The following ANKRD13A variants were observed in gnomAD, a reference collection of about 807,000 sequenced individuals.
ANKRD13A encodes ankyrin repeat domain-containing protein 13A.
ANKRD13A carries 48 observed loss-of-function variants against 81.3 expected under a neutral mutation model. That is an observed-to-expected ratio of 0.59 (90% confidence interval 0.47 to 0.75). The LOEUF (loss-of-function observed/expected upper bound fraction) is 0.75, where lower values mean the gene tolerates loss of function less well. Among genes scored for constraint, ANKRD13A ranks in the 30% least tolerant of loss-of-function variants. ANKRD13A has a pLI of 0.00. For missense variants in ANKRD13A, 612 were observed against 734.0 expected (o/e 0.83, Z 1.92); for synonymous variants, 230 against 270.1 (o/e 0.85, Z 1.45).
chr12:110,028,924 G>A, intron 10 of ANKRD13A: 1 of 306,262 alleles, frequency 3.3e-6, no homozygotes, highest in Admixed American at 4.6e-5. Flanking sequence ...TTTTAGTAGA[G>A]ATAGGGTTTC....
chr12:109,999,928 A>T lies in ANKRD13A; in HGVS notation c.96+144A>T. ...TTGCAGGTGTGGGACAGTCCTAATA[A>T]TAGGACACGTATCGAGTGCTTACCG... On this transcript the variant is annotated intron_variant, in intron 1 of 14. Transcript: ENST00000261739. The surrounding 1 kb of genome is among the most constrained non-coding windows in gnomAD (Gnocchi z 4.3). 2 of 602,474 alleles carry T rather than the reference A, an allele frequency of 3.3e-6. No homozygotes were observed. Among genetic ancestry groups the T allele is most frequent in the Non-Finnish European group, 5.3e-6 (2 of 376,726 alleles). The allele number at this position is 602,474 out of a possible 1,614,324, so 37.3% of individuals were successfully genotyped here. A position where few individuals can be genotyped will look rare whatever the true frequency, so the allele number is the denominator to read the frequency against.
intron 7 of ANKRD13A, 78 bp downstream of exon 7, chr12:110,024,190 T>C: frequency 7.8e-7 from 1 of 1,289,528 alleles, no homozygotes; most frequent in Non-Finnish European, 1.1e-6. Context: ...TCCCATTTTT[T>C]TCATGCATCT....
intron 8 of ANKRD13A, chr12:110,026,933 G>A: frequency 6.6e-6 from 1 of 152,148 alleles, no homozygotes; most frequent in Non-Finnish European, 1.5e-5. Flanking sequence ...ATTCTTGGAG[G>A]TGTTTCCCCA....
chr12:110,019,012 T>A (rs1890937030), intron 5 of ANKRD13A, 127 bp from the exon 6 acceptor site: 1 of 972,892 alleles, frequency 1.0e-6, no homozygotes, highest in East Asian at 2.5e-5. Context: ...ATCAGTACAC[T>A]GTAGGTTTTA....
At chr12:110,027,252 T>C (rs1891395699) in intron 8 of ANKRD13A, 1 of 164,874 alleles carries the variant, frequency 6.1e-6, no homozygotes. Flanking sequence ...CCAACCTTCC[T>C]TAGAGTTATT....
rs544489506 is a variant in ANKRD13A, at chr12:110,007,483, C to T, written c.97-4522C>T. 1.7e-3 allele frequency among the ~76,000 whole-genome samples: 257 copies of T among 152,184 alleles called. 1 individual carries two copies. The highest frequency in any genetic ancestry group is 1.2e-3 in the Non-Finnish European group (79 of 68,022). ...GCAACCTCCGTCTCCCAGGTTCAAGCGATTCTCCTGCCTCAGCCTCCCAAG... is the reference window on the plus strand; with the variant it reads ...GCAACCTCCGTCTCCCAGGTTCAAGTGATTCTCCTGCCTCAGCCTCCCAAG... On this transcript the variant is annotated intron_variant, in intron 1 of 14. Transcript: ENST00000261739.
chr12:110,009,327 C>T (rs935987312), intron 1 of ANKRD13A, among the ~76,000 whole-genome samples: 3 of 152,164 alleles, frequency 2.0e-5, no homozygotes, highest in Non-Finnish European at 2.9e-5. Flanking sequence ...GTGATCCACC[C>T]GCCTCGGCCT....
At position 110,028,568 on chromosome 12, in the gene ANKRD13A, G is replaced by A; in HGVS notation, c.1002G>A (p.Glu334=). ...ANNPTAITPD[E]YFNEEFDLKD... The stretch of plus-strand genomic sequence containing the variant: ...ACCCCACAGCCATCACGCCTGATGA[G>A]TACTTCAATGAAGAGTTTGATCTGA... Residue 334 remains glutamate, a synonymous_variant, in exon 10 of 15, where the codon GAG becomes GAA. Transcript: ENST00000261739. The A allele has an allele frequency of 6.2e-7, 1 of 1,614,216 alleles. No individual in the cohort carries two copies. The highest frequency in any genetic ancestry group is 8.5e-7 in the Non-Finnish European group (1 of 1,180,038).
At chr12:110,004,467 T>C (rs1394816380) in intron 1 of ANKRD13A, among the ~76,000 whole-genome samples, 1 of 150,814 alleles carries the variant, frequency 6.6e-6, no homozygotes, top group Non-Finnish European at 1.5e-5. Context: ...AATACAAAAT[T>C]AGCCAGGCGT....
In ANKRD13A at chr12:110,029,347, A is replaced by G. The variant is rs1052824595; in HGVS notation, c.1077-131A>G. 4.1e-6 allele frequency: 4 copies of G among 981,566 alleles called. No individual in the cohort carries two copies. In the African/African-American group the frequency reaches 4.9e-5, roughly 12 times the overall value. 60.8% of individuals were successfully genotyped at this position (981,566 alleles called of 1,614,324 possible). On this transcript the variant is annotated intron_variant, in intron 10 of 14. Transcript: ENST00000261739. ...TGGCCCTAGACATTTGACCTTTAAT[A>G]GGTCTGAATTAAGAGATGACTGGGC...
chr12:110,029,501 G>A lies in ANKRD13A; in HGVS notation c.1100G>A (p.Cys367Tyr). The change falls in exon 11 of 15, where the codon TGT (cysteine) becomes TAT (tyrosine). Residue 367 changes from cysteine (C) to tyrosine (Y), a missense_variant. Physicochemically the swap from Cys to Tyr is radical, Grantham distance 194. Transcript: ENST00000261739. ...AGGTTTAAAGCAATGTTGTGGATGT[G>A]TGAAGAGTTTCCCCTCTCTCTGGTG... ...TQKFKAMLWMCEEFPLSLVEQ... is the reference protein window; with the variant it reads ...TQKFKAMLWMYEEFPLSLVEQ... 5 of 1,613,694 alleles carry A rather than the reference G, an allele frequency of 3.1e-6. No homozygotes were observed. The highest frequency in any genetic ancestry group is 4.2e-6 in the Non-Finnish European group (5 of 1,179,580).
intron 1 of ANKRD13A, among the ~76,000 whole-genome samples, chr12:110,004,337 C>T (rs1232097578): frequency 2.0e-4 from 30 of 151,414 alleles, no homozygotes; most frequent in Admixed American, 1.3e-4. Flanking sequence ...GAATTCCAGC[C>T]GGGCGTGGTG....
At chr12:110,009,138 A>AAT (rs1246727796) in intron 1 of ANKRD13A, among the ~76,000 whole-genome samples, 4 of 151,950 alleles carry the variant, frequency 2.6e-5, no homozygotes. Context: ...CTGGAGTGCA[A>AAT]TGGCACAATC....
chr12:110,003,050 TG>T (rs1890062748), intron 1 of ANKRD13A, among the ~76,000 whole-genome samples: 1 of 152,230 alleles, frequency 6.6e-6, no homozygotes, highest in African/African-American at 2.4e-5. Context: ...TGAAACTGTT[TG>T]TGTTCTGCTT....
rs1435451255 is a variant in ANKRD13A at position 110,016,016 on chromosome 12, A to G, written c.355-372A>G. On this transcript the variant is annotated intron_variant, in intron 3 of 14. Transcript: ENST00000261739. The stretch of plus-strand genomic sequence containing the variant: ...GCCCAGGCTGGAGTGCAGTGGTGCA[A>G]TCTTGGCTCTCTGCAGCCTCCACCT... Among the ~76,000 whole-genome samples the G allele has an allele frequency of 2.0e-5, 3 of 149,506 alleles. No homozygotes were observed. In the South Asian group the frequency reaches 6.3e-4, roughly 31 times the overall value.
chr12:110,019,131 A>G lies in ANKRD13A; in HGVS notation c.545-8A>G. The G allele has an allele frequency of 6.4e-7, 1 of 1,571,046 alleles. No homozygotes were observed. The highest frequency in any genetic ancestry group is 8.6e-7 in the Non-Finnish European group (1 of 1,157,040). On this transcript the variant is annotated splice_region_variant and splice_polypyrimidine_tract_variant and intron_variant, in intron 5 of 14. Coordinates refer to ENST00000261739, the MANE Select transcript of ANKRD13A (RefSeq NM_033121.2). The stretch of plus-strand genomic sequence containing the variant: ...TGCACTTAGTTATGCCTTTGTTTCC[A>G]TTAATAGACAACTGGGCGGAGTTAA...
At position 110,013,250 on chromosome 12, in the gene ANKRD13A, G is replaced by T. The variant is rs1489657353; in HGVS notation, c.354+1G>T. On this transcript the variant is annotated splice_donor_variant, in intron 3 of 14. Transcript: ENST00000261739. LOFTEE classifies it high-confidence loss of function. ...TGAGCTGCTCCAAAAAATTCTCGAG[G>T]TATCCATGAAAATGTGGCCAGGCCA... 6.2e-7 allele frequency: 1 copy of T among 1,613,748 alleles called. No individual in the cohort carries two copies. The highest frequency in any genetic ancestry group is 8.5e-7 in the Non-Finnish European group (1 of 1,179,926).
At chr12:110,000,663 A>G (rs1566042052) in intron 1 of ANKRD13A, among the ~76,000 whole-genome samples, 1 of 151,514 alleles carries the variant, frequency 6.6e-6, no homozygotes, top group Non-Finnish European at 1.5e-5. Context: ...ACATCCTACA[A>G]TGGCCAAGAC....
chr12:110,017,188 G>T (rs1425950887), intron 4 of ANKRD13A, among the ~76,000 whole-genome samples: 2 of 152,184 alleles, frequency 1.3e-5, no homozygotes, highest in African/African-American at 4.8e-5. Flanking sequence ...GGGATTACAG[G>T]CATGAGCCAC....
Sources: gnomAD v4.1 joint callset for allele counts (sites outside exome capture counted in the v4.1 genomes callset) on GRCh38, gnomAD v4.1.1 for gene constraint, Gnocchi (gnomAD v3.1) non-coding constraint, MANE v1.5 for transcripts, NCBI Gene and HGNC (gene_info 2026-07-23, HGNC 2026-07-21) for gene names.